Variants in DPP10 observed in about 807,000 individuals in gnomAD.
DPP10 encodes inactive dipeptidyl peptidase 10.
In DPP10, 33 loss-of-function variants were observed where a neutral mutation model predicts 120.9. The ratio of observed to expected loss-of-function variants is 0.27; its 90% CI spans 0.21 to 0.37. The LOEUF (loss-of-function observed/expected upper bound fraction) is 0.37, where lower values mean the gene tolerates loss of function less well. Ranked by LOEUF, DPP10 falls within the 10% of genes least tolerant of loss-of-function variation. The probability of loss-of-function intolerance (pLI) is 1.00; values close to 1 mark genes in which losing one functional copy is unlikely to be tolerated. For synonymous variants in DPP10, 337 were observed against 326.1 expected, an observed-to-expected ratio of 1.03 and a Z score of -0.36; for missense variants, 816 against 942.8, an observed-to-expected ratio of 0.87 and a Z score of 1.76.
intron 1 of DPP10, among the ~76,000 whole-genome samples, chr2:114,598,104 A>G (rs1374102219): frequency 6.6e-6 from 1 of 151,958 alleles, no homozygotes; most frequent in Non-Finnish European, 1.5e-5. Flanking sequence ...AAACAGCACA[A>G]GCAATGGCAT....
At chr2:114,733,180 G>T (rs753927779) in intron 1 of DPP10, among the ~76,000 whole-genome samples, 15 of 152,274 alleles carry the variant, frequency 9.9e-5, no homozygotes, top group African/African-American at 3.1e-4. Context: ...TACTAATTTT[G>T]CTCCCAACTT....
chr2:114,503,881 AT>A (rs1314468239), intron 1 of DPP10, among the ~76,000 whole-genome samples: 2 of 152,162 alleles, frequency 1.3e-5, no homozygotes, highest in Non-Finnish European at 2.9e-5. Flanking sequence ...ATCAGTTTCT[AT>A]TTTCACATAG....
intron 1 of DPP10, among the ~76,000 whole-genome samples, chr2:115,141,470 T>G (rs1490054880): frequency 6.6e-6 from 1 of 152,218 alleles, no homozygotes; most frequent in Non-Finnish European, 1.5e-5. Flanking sequence ...ATTCACCTAC[T>G]TAACATAGCT....
At chr2:115,039,415 TGTA>T (rs1704468226) in intron 1 of DPP10, among the ~76,000 whole-genome samples, 1 of 152,188 alleles carries the variant, frequency 6.6e-6, no homozygotes, top group Non-Finnish European at 1.5e-5. Context: ...TACTGCAAAT[TGTA>T]GTCTTCTGAG....
chr2:114,887,356 T>G (rs1172699416), intron 1 of DPP10, among the ~76,000 whole-genome samples: 2 of 152,200 alleles, frequency 1.3e-5, no homozygotes, highest in African/African-American at 4.8e-5. Flanking sequence ...ATCATAAAAT[T>G]TTGCCTAAGG....
intron 1 of DPP10, among the ~76,000 whole-genome samples, chr2:115,266,481 G>A (rs1243474715): frequency 1.3e-5 from 2 of 152,190 alleles, no homozygotes. Context: ...TTTAACTCAA[G>A]TGAAGGATAA....
At chr2:115,603,341 A>AC (rs1355265027) in intron 5 of DPP10, among the ~76,000 whole-genome samples, 3 of 51,478 alleles carry the variant, frequency 5.8e-5, no homozygotes, top group South Asian at 8.7e-4. Context: ...CCGCCCCGCC[A>AC]CCCCCCCAAA....
At chr2:115,773,241 A>G (rs945984555) in intron 13 of DPP10, among the ~76,000 whole-genome samples, 1 of 152,198 alleles carries the variant, frequency 6.6e-6, no homozygotes, top group African/African-American at 2.4e-5. Context: ...AACATTTAAT[A>G]TAAGAAATGT....
At chr2:115,527,059 C>T (rs955107005) in intron 5 of DPP10, among the ~76,000 whole-genome samples, 8 of 152,012 alleles carry the variant, frequency 5.3e-5, no homozygotes, top group Non-Finnish European at 1.0e-4. Flanking sequence ...TCTAACATAA[C>T]ATTATCTGAA....
chr2:115,066,224 A>G (rs1053148226), intron 1 of DPP10, among the ~76,000 whole-genome samples: 1 of 152,196 alleles, frequency 6.6e-6, no homozygotes, highest in African/African-American at 2.4e-5. Context: ...TTTTCACGTT[A>G]TAGATACGTA....
At chr2:114,832,875 A>C (rs1001021430) in intron 1 of DPP10, among the ~76,000 whole-genome samples, 3 of 152,170 alleles carry the variant, frequency 2.0e-5, no homozygotes, top group Admixed American at 6.5e-5. Context: ...AAAAAAATTT[A>C]AGTACTTTAA....
chr2:114,532,026 C>T (rs1686032694), intron 1 of DPP10, among the ~76,000 whole-genome samples: 1 of 151,694 alleles, frequency 6.6e-6, no homozygotes, highest in Non-Finnish European at 1.5e-5. Flanking sequence ...GGAGAATTTG[C>T]TTTCCGTTTG....
intron 5 of DPP10, among the ~76,000 whole-genome samples, chr2:115,603,244 GAC>G (rs1189796732): frequency 6.6e-6 from 1 of 151,644 alleles, no homozygotes; most frequent in African/African-American, 2.4e-5. Flanking sequence ...CCATCATCAA[GAC>G]ACAGCCTGTG....
chr2:115,049,504 T>C (rs745615496), intron 1 of DPP10, among the ~76,000 whole-genome samples: 5 of 152,172 alleles, frequency 3.3e-5, no homozygotes, highest in Non-Finnish European at 5.9e-5. Context: ...AATATAGTTA[T>C]GGGAACTGAG....
At chr2:114,895,170 G>A (rs1692861900) in intron 1 of DPP10, among the ~76,000 whole-genome samples, 1 of 152,144 alleles carries the variant, frequency 6.6e-6, no homozygotes, top group East Asian at 1.9e-4. Context: ...TGTTACTAAA[G>A]GGACTGAAAA....
intron 1 of DPP10, among the ~76,000 whole-genome samples, chr2:114,770,992 A>G (rs1187149975): frequency 2.0e-5 from 3 of 152,196 alleles, no homozygotes; most frequent in Non-Finnish European, 4.4e-5. Context: ...ATACACTAAA[A>G]CACTTTGGAT....
chr2:115,245,813 A>G (rs2058508137), intron 1 of DPP10, among the ~76,000 whole-genome samples: 1 of 152,170 alleles, frequency 6.6e-6, no homozygotes, highest in Non-Finnish European at 1.5e-5. Context: ...CAATAAAATT[A>G]ATGATTAATG....
At chr2:115,691,240 T>G (rs769244760) in intron 7 of DPP10, among the ~76,000 whole-genome samples, 1 of 152,128 alleles carries the variant, frequency 6.6e-6, no homozygotes, top group Non-Finnish European at 1.5e-5. Context: ...ACAAACATAT[T>G]TTTTTATAAA....
chr2:115,535,841 T>C (rs982883473), intron 5 of DPP10, among the ~76,000 whole-genome samples: 2 of 152,072 alleles, frequency 1.3e-5, no homozygotes, highest in Non-Finnish European at 2.9e-5. Flanking sequence ...CCCTTGTAAG[T>C]TGGATTCCTA....
Sources: gnomAD v4.1 joint callset for allele counts (sites outside exome capture counted in the v4.1 genomes callset) on GRCh38, gnomAD v4.1.1 for gene constraint, MANE v1.5 for transcripts, NCBI Gene and HGNC (gene_info 2026-07-23, HGNC 2026-07-21) for gene names.